BBS2: variants seen among roughly 807,000 people sequenced by gnomAD.
BBS2 encodes the protein Bardet-Biedl syndrome 2, also known as BBSome complex member BBS2.
Under a neutral mutation model 83.0 loss-of-function variants are expected in BBS2, and 62 were observed. The observed-to-expected ratio is 0.75, with a 90% CI of 0.61 to 0.92. The LOEUF (loss-of-function observed/expected upper bound fraction) is 0.92, where lower values mean the gene tolerates loss of function less well. BBS2 is among the 40% of genes least tolerant of loss of function. BBS2 has a pLI of 0.00. For synonymous variants in BBS2, 303 were observed against 326.1 expected, an observed-to-expected ratio of 0.93 and a Z score of 0.76; for missense variants, 784 against 901.0, an observed-to-expected ratio of 0.87 and a Z score of 1.66.
rs1963734705 is a variant in BBS2 at position 56,484,962 on chromosome 16, A to C, written c.2060-95T>G. ...TAAAACAACATAAAACCAGGAGGGA[A>C]AAGAGTTATACTTGAAATATGATTT... On this transcript the variant is annotated intron_variant, in intron 16 of 16. Coordinates refer to ENST00000245157, the MANE Select transcript of BBS2 (RefSeq NM_031885.5). 6.7e-6 allele frequency: 6 copies of C among 889,450 alleles called. No individual in the cohort carries two copies. The Admixed American group carries it at 9.9e-5, about 15-fold the overall frequency. The allele number at this position is 889,450 out of a possible 1,614,324, so 55.1% of individuals were successfully genotyped here. A position where few individuals can be genotyped will look rare whatever the true frequency, so the allele number is the denominator to read the frequency against.
At chr16:56,504,848 A>G (rs1964380227) in intron 7 of BBS2, among the ~76,000 whole-genome samples, 1 of 152,204 alleles carries the variant, frequency 6.6e-6, no homozygotes, top group South Asian at 2.1e-4. Flanking sequence ...GAATCCTATT[A>G]GCCAAGGTAA....
intron 8 of BBS2, 56 bp from the exon 9 acceptor site, chr16:56,502,512 T>C: frequency 1.9e-6 from 3 of 1,613,256 alleles, no homozygotes; most frequent in Non-Finnish European, 2.5e-6. Flanking sequence ...GGTCATCAAT[T>C]ACCTGCTCTT....
intron 5 of BBS2, among the ~76,000 whole-genome samples, chr16:56,506,815 C>G (rs1203805936): frequency 6.6e-6 from 1 of 152,090 alleles, no homozygotes; most frequent in Non-Finnish European, 1.5e-5. Flanking sequence ...ATATATGATA[C>G]AGAAATATTT....
intron 17 of BBS2, chr16:56,478,031 AACTT>A (rs1298055128): frequency 1.3e-5 from 2 of 152,238 alleles, no homozygotes; most frequent in Non-Finnish European, 2.9e-5. Context: ...TTATTTCTAT[AACTT>A]ACTGTTATAA....
chr16:56,476,201 A>G (rs769250772), intron 17 of BBS2: 1 of 1,611,004 alleles, frequency 6.2e-7, no homozygotes, highest in Non-Finnish European at 8.5e-7. Flanking sequence ...ATCTATTATG[A>G]ATGACAGCAC....
intron 15 of BBS2, among the ~76,000 whole-genome samples, chr16:56,493,803 G>C (rs1001718331): frequency 6.6e-6 from 1 of 152,114 alleles, no homozygotes; most frequent in Admixed American, 6.5e-5. Flanking sequence ...CTCCCTGCTG[G>C]GATATGCCCT....
At chr16:56,490,224 ACAC>A in intron 15 of BBS2, among the ~76,000 whole-genome samples, 1 of 152,278 alleles carries the variant, frequency 6.6e-6, no homozygotes, top group Non-Finnish European at 1.5e-5. Context: ...ATTTATATGA[ACAC>A]CAGGATAAAC....
At chr16:56,508,115 A>T (rs2089854402) in intron 5 of BBS2, among the ~76,000 whole-genome samples, 1 of 152,274 alleles carries the variant, frequency 6.6e-6, no homozygotes, top group South Asian at 2.1e-4. Context: ...TAAAAAGTAT[A>T]GTAGGACTAA....
At chr16:56,493,383 CAAAAA>C (rs1177705335) in intron 15 of BBS2, among the ~76,000 whole-genome samples, 32 of 24,028 alleles carry the variant, frequency 1.3e-3, no homozygotes, top group African/African-American at 3.1e-3. Flanking sequence ...GACCTTGTCT[CAAAAA>C]AAAAAAAAAA....
chr16:56,497,041 A>G lies in BBS2; in HGVS notation c.1836T>C (p.Ala612=). ...EYHSVHQKLS[A]DMADHSNLIR... Reference sequence around the variant, plus strand: ...TCAAATTAGAATGATCAGCCATATCAGCACTGAGCTTCTGATGCACTGAAT... The same window carrying G: ...TCAAATTAGAATGATCAGCCATATCGGCACTGAGCTTCTGATGCACTGAAT... The change falls in exon 15 of 17, where the codon GCT becomes GCC. Residue 612 remains alanine, a synonymous_variant. Coordinates refer to ENST00000245157, the MANE Select transcript of BBS2 (RefSeq NM_031885.5). 3 of 1,614,144 alleles carry G rather than the reference A, an allele frequency of 1.9e-6. No homozygotes were observed. The highest frequency in any genetic ancestry group is 1.7e-6 in the Non-Finnish European group (2 of 1,179,966).
At chr16:56,517,404 A>C (rs978901353) in intron 1 of BBS2, among the ~76,000 whole-genome samples, 4 of 152,174 alleles carry the variant, frequency 2.6e-5, no homozygotes, top group Non-Finnish European at 5.9e-5. Context: ...CTCCAGCTCA[A>C]GGCCCTTGCA....
intron 15 of BBS2, among the ~76,000 whole-genome samples, chr16:56,492,374 C>T (rs1235446993): frequency 6.6e-6 from 1 of 152,146 alleles, no homozygotes; most frequent in East Asian, 1.9e-4. Context: ...CATGGACGAA[C>T]TCTGAGGATG....
downstream of BBS2, chr16:56,484,284 CA>C (rs1262702046): frequency 5.8e-6 from 1 of 172,532 alleles, no homozygotes; most frequent in Non-Finnish European, 1.2e-5. Flanking sequence ...AGATTACAGG[CA>C]TAAGCCCTGT....
intron 17 of BBS2, among the ~76,000 whole-genome samples, chr16:56,471,595 C>A (rs78791310): frequency 0.039 from 5,991 of 152,262 alleles, 145 homozygotes; most frequent in East Asian, 0.13. Flanking sequence ...CCCAGTTTAC[C>A]ATTCCCTGCT....
At position 56,484,783 on chromosome 16, in the gene BBS2, C is replaced by T. The variant is rs761068592; in HGVS notation, c.2144G>A (p.Arg715Gln). 21 of 1,613,738 alleles carry T rather than the reference C, an allele frequency of 1.3e-5. 1 individual carries two copies. The highest frequency in any genetic ancestry group is 1.6e-4 in the Middle Eastern group (1 of 6,082). ...NNINTLFKIM[R>Q]VGTASS ...CACCTAGGAAGAAGCTGTCCCCACT[C>T]GCATGATTTTGAACAGTGTGTTGAT... The change falls in exon 17 of 17, where the codon CGA becomes CAA. Residue 715 changes from arginine to glutamine, a missense_variant. Physicochemically the swap from Arg to Gln is conservative, Grantham distance 43. Coordinates refer to ENST00000245157, the MANE Select transcript of BBS2 (RefSeq NM_031885.5).
At chr16:56,510,387 G>A (rs1445746087) in intron 4 of BBS2, among the ~76,000 whole-genome samples, 3 of 152,122 alleles carry the variant, frequency 2.0e-5, no homozygotes, top group African/African-American at 7.2e-5. Flanking sequence ...GACAAGAGAG[G>A]GGCAAGTCGG....
intron 1 of BBS2, among the ~76,000 whole-genome samples, chr16:56,519,064 C>T (rs1479657006): frequency 1.7e-4 from 26 of 152,158 alleles, no homozygotes; most frequent in Non-Finnish European, 2.9e-4. Context: ...GGTGCAGTGG[C>T]TCACGCCTGT....
At chr16:56,509,857 CTGGGTT>C in intron 5 of BBS2, 94 bp downstream of exon 5, 1 of 1,266,690 alleles carries the variant, frequency 7.9e-7, no homozygotes, top group East Asian at 2.3e-5. Flanking sequence ...CTAAAACCAC[CTGGGTT>C]TGGAGATGCC....
chr16:56,500,440 A>G (rs1964234667), intron 11 of BBS2: 1 of 252,786 alleles, frequency 4.0e-6, no homozygotes, highest in Non-Finnish European at 7.7e-6. Flanking sequence ...AGCCTGGCCA[A>G]CATGGTGAAC....
Sources: gnomAD v4.1 joint callset for allele counts (sites outside exome capture counted in the v4.1 genomes callset) on GRCh38, gnomAD v4.1.1 for gene constraint, MANE v1.5 for transcripts, NCBI Gene and HGNC (gene_info 2026-07-23, HGNC 2026-07-21) for gene names.